Variants in DNAH14 observed in about 807,000 individuals in gnomAD.
DNAH14 encodes dynein axonemal heavy chain 14, also known as axonemal beta dynein heavy chain 14.
A neutral mutation model predicts 520.9 loss-of-function variants in DNAH14; 478 were observed. The ratio of observed to expected loss-of-function variants is 0.92; its 90% CI spans 0.85 to 0.99. The LOEUF (loss-of-function observed/expected upper bound fraction) is 0.99. Among genes scored for constraint, DNAH14 ranks in the 50% least tolerant of loss-of-function variants. The pLI is 0.00. For missense variants in DNAH14, 4,831 were observed against 5,234.5 expected (o/e 0.92, Z 2.38); for synonymous variants, 1,581 against 1,757.2 (o/e 0.90, Z 2.51).
intron 41 of DNAH14, among the ~76,000 whole-genome samples, chr1:225,212,716 G>A (rs1265518518): frequency 6.6e-6 from 1 of 152,172 alleles, no homozygotes; most frequent in Non-Finnish European, 1.5e-5. Context: ...TTTGAGAAGT[G>A]TCTGTTCATA....
At chr1:224,945,451 G>A (rs2059738128) in intron 1 of DNAH14, among the ~76,000 whole-genome samples, 1 of 151,924 alleles carries the variant, frequency 6.6e-6, no homozygotes, top group African/African-American at 2.4e-5. Context: ...TGCTCTTTTA[G>A]CTCAGAGTAG....
At chr1:225,170,403 A>C (rs1038230943) in intron 36 of DNAH14, among the ~76,000 whole-genome samples, 17 of 152,230 alleles carry the variant, frequency 1.1e-4, no homozygotes, top group South Asian at 6.2e-4. Context: ...CACATAGGCT[A>C]AAAATAAAGG....
chr1:224,963,124 C>G (rs1188626391), intron 4 of DNAH14, among the ~76,000 whole-genome samples: 5 of 152,012 alleles, frequency 3.3e-5, no homozygotes, highest in Admixed American at 2.6e-4. Flanking sequence ...ATCTTTCTAT[C>G]AAAATGTTTA....
At chr1:224,965,688 G>A (rs140194706) in intron 5 of DNAH14, among the ~76,000 whole-genome samples, 1 of 152,206 alleles carries the variant, frequency 6.6e-6, no homozygotes, top group African/African-American at 2.4e-5. Flanking sequence ...ACCTGGTTTT[G>A]AACCTATACA....
At chr1:225,031,703 A>G (rs1209396194) in intron 11 of DNAH14, among the ~76,000 whole-genome samples, 5 of 151,672 alleles carry the variant, frequency 3.3e-5, no homozygotes, top group Non-Finnish European at 7.4e-5. Flanking sequence ...CTTCAACTCC[A>G]TTTATTTTCC....
Position 225,265,362 on chromosome 1 carries a change from A to G in DNAH14, c.7403A>G (p.Asn2468Ser). 2 of 1,533,838 alleles carry G rather than the reference A, an allele frequency of 1.3e-6. No individual in the cohort carries two copies. Among genetic ancestry groups the G allele is most frequent in the East Asian group, 4.9e-5 (2 of 40,618 alleles). The change falls in exon 48 of 86, where the codon AAC (asparagine) becomes AGC (serine). Residue 2468 changes from asparagine to serine, a missense_variant. Asn to Ser is a conservative substitution (Grantham distance 46). Transcript: ENST00000682510. ...RTKDTLGAPK[N>S]NRILIFIDDM... ...AAAGATACTCTTGGAGCACCAAAAA[A>G]CAACCGGGTAAAACACCTCTCATAC... is the stretch of plus-strand genomic sequence containing the variant.
chr1:225,389,425 T>C (rs955979440), intron 82 of DNAH14, among the ~76,000 whole-genome samples: 1 of 152,262 alleles, frequency 6.6e-6, no homozygotes, highest in Non-Finnish European at 1.5e-5. Context: ...CATTTCTTTA[T>C]ATCCTTTGGG....
intron 55 of DNAH14, among the ~76,000 whole-genome samples, chr1:225,293,596 A>G (rs887522491): frequency 6.6e-6 from 1 of 152,168 alleles, no homozygotes; most frequent in African/African-American, 2.4e-5. Context: ...GTTTTCACTT[A>G]TAAGTGGGAG....
chr1:225,369,281 A>G (rs2150623757), intron 77 of DNAH14, among the ~76,000 whole-genome samples: 1 of 152,300 alleles, frequency 6.6e-6, no homozygotes, highest in Middle Eastern at 3.4e-3. Context: ...GCATTCTCTC[A>G]ATAAAAGGCA....
At chr1:225,323,567 G>A (rs1458318308) in intron 62 of DNAH14, among the ~76,000 whole-genome samples, 2 of 152,100 alleles carry the variant, frequency 1.3e-5, no homozygotes, top group African/African-American at 2.4e-5. Context: ...GGGTTCAAGC[G>A]ATTCTCCTGC....
intron 19 of DNAH14, 141 bp downstream of exon 19, chr1:225,080,889 G>C: frequency 1.2e-6 from 1 of 850,802 alleles, no homozygotes; most frequent in Non-Finnish European, 1.7e-6. Flanking sequence ...CAGGAGTATA[G>C]GTAGGAATTT....
chr1:225,070,765 A>G (rs139813193), intron 17 of DNAH14, among the ~76,000 whole-genome samples: 47 of 152,132 alleles, frequency 3.1e-4, no homozygotes, highest in African/African-American at 1.1e-3. Context: ...ATCTTTGTTA[A>G]CTTTCTGTCT....
At chr1:225,167,380 T>C (rs953196229) in intron 35 of DNAH14, among the ~76,000 whole-genome samples, 9 of 152,222 alleles carry the variant, frequency 5.9e-5, no homozygotes, top group African/African-American at 2.2e-4. Flanking sequence ...GGAAGCACAG[T>C]TTCCCTTATA....
intron 41 of DNAH14, among the ~76,000 whole-genome samples, chr1:225,213,002 G>A (rs2088677792): frequency 1.3e-5 from 2 of 152,106 alleles, no homozygotes; most frequent in African/African-American, 4.8e-5. Flanking sequence ...GTCCTGAATG[G>A]TATTGCCTAG....
intron 8 of DNAH14, among the ~76,000 whole-genome samples, chr1:224,987,080 A>G (rs1413149668): frequency 6.6e-6 from 1 of 151,792 alleles, no homozygotes; most frequent in Non-Finnish European, 1.5e-5. Flanking sequence ...CCCATTTACA[A>G]TAGCTACAAG....
chr1:225,294,678 G>T (rs1351284833), intron 55 of DNAH14, among the ~76,000 whole-genome samples: 1 of 151,988 alleles, frequency 6.6e-6, no homozygotes, highest in African/African-American at 2.4e-5. Flanking sequence ...AAAAAAATTA[G>T]CCTGGTGTGG....
intron 19 of DNAH14, among the ~76,000 whole-genome samples, chr1:225,081,669 C>T (rs1466174433): frequency 6.6e-6 from 1 of 152,014 alleles, no homozygotes; most frequent in Admixed American, 6.6e-5. Flanking sequence ...TAAAAGAAGC[C>T]CCATATATAC....
At position 225,399,049 on chromosome 1, in the gene DNAH14, TAA is replaced by T; in HGVS notation, c.13639-3_13639-2del. 2 of 1,515,194 alleles carry T rather than the reference TAA, an allele frequency of 1.3e-6. No homozygotes were observed. The highest frequency in any genetic ancestry group is 1.8e-6 in the Non-Finnish European group (2 of 1,128,636). The allele number at this position is 1,515,194 out of a possible 1,614,324, so 93.9% of individuals were successfully genotyped here. A position where few individuals can be genotyped will look rare whatever the true frequency, so the allele number is the denominator to read the frequency against. On this transcript the variant is annotated splice_polypyrimidine_tract_variant and splice_region_variant and intron_variant, in intron 85 of 85. Coordinates refer to ENST00000682510, the MANE Select transcript of DNAH14 (RefSeq NM_001367479.1). ...TTGACTACTGGATTTTTTTTTTTTT[TAA>T]AGATTTCTACCAAAACACCAAATGC... is the stretch of plus-strand genomic sequence containing the variant.
chr1:225,207,130 C>G lies in DNAH14; in HGVS notation c.6349C>G (p.Pro2117Ala). The change falls in exon 41 of 86, where the codon CCT (proline) becomes GCT (alanine). Residue 2117 changes from proline to alanine, a missense_variant. By Grantham distance (27) the Pro-to-Ala change is conservative (BLOSUM62 -1). Coordinates refer to ENST00000682510, the MANE Select transcript of DNAH14 (RefSeq NM_001367479.1). ...GAATCGTCAGAAATTTCAGCCATAT[C>G]CTATGGAGGACATAACAGTCGTCAT... ...IRNRQKFQPY[P>A]MEDITVVITL... The G allele has an allele frequency of 6.4e-7, 1 of 1,551,002 alleles. No individual in the cohort carries two copies. The highest frequency in any genetic ancestry group is 8.7e-7 in the Non-Finnish European group (1 of 1,146,612).
Sources: allele counts gnomAD v4.1 joint callset (sites outside exome capture counted in the v4.1 genomes callset), GRCh38; gene constraint gnomAD v4.1.1; transcripts MANE v1.5; gene names NCBI Gene and HGNC (gene_info 2026-07-23, HGNC 2026-07-21).